Variants in CCDC85C observed in about 807,000 individuals in gnomAD.
The protein encoded by CCDC85C is coiled-coil domain-containing protein 85C.
CCDC85C carries 18 observed loss-of-function variants against 38.3 expected under a neutral mutation model. The ratio of observed to expected loss-of-function variants is 0.47; its 90% CI spans 0.33 to 0.70. The LOEUF is 0.70. Ranked by LOEUF, CCDC85C falls within the 30% of genes least tolerant of loss-of-function variation. The probability of loss-of-function intolerance (pLI) is 0.03; values close to 1 mark genes in which losing one functional copy is unlikely to be tolerated. For synonymous variants in CCDC85C, 264 were observed against 293.8 expected (o/e 0.90, Z 1.04); for missense variants, 566 against 621.2 (o/e 0.91, Z 0.94).
At chr14:99,515,369 T>A (rs116413123) in intron 5 of CCDC85C, 34 bp from the exon 6 acceptor site, 2 of 1,495,174 alleles carry the variant, frequency 1.3e-6, no homozygotes, top group African/African-American at 2.8e-5. Context: ...GTGGTGGGAC[T>A]CACCCGCGTC....
At chr14:99,542,400 C>T (rs1897731132) in intron 1 of CCDC85C, among the ~76,000 whole-genome samples, 1 of 152,194 alleles carries the variant, frequency 6.6e-6, no homozygotes, top group African/African-American at 2.4e-5. Flanking sequence ...GACGGAGATG[C>T]AGATTCCAGA....
rs1436424322 is a variant in CCDC85C at position 99,603,886 on chromosome 14, C to T, written c.74G>A (p.Arg25His). 44 of 1,497,322 alleles carry T rather than the reference C, an allele frequency of 2.9e-5. No individual in the cohort carries two copies. Among genetic ancestry groups the T allele is most frequent in the Non-Finnish European group, 3.8e-5 (43 of 1,128,830 alleles). 92.8% of individuals were successfully genotyped at this position (1,497,322 alleles called of 1,614,324 possible). A position where few individuals can be genotyped will look rare whatever the true frequency, so the allele number is the denominator to read the frequency against. ...LSQVPDEELLRWSKEELARRL... is the reference protein window; with the variant it reads ...LSQVPDEELLHWSKEELARRL... ...CCGCGCCAGCTCCTCCTTGCTCCAGCGCAGCAGCTCCTCGTCCGGCACCTG... is the reference window on the plus strand; with the variant it reads ...CCGCGCCAGCTCCTCCTTGCTCCAGTGCAGCAGCTCCTCGTCCGGCACCTG... Residue 25 changes from arginine (R) to histidine (H), a missense_variant, in exon 1 of 6, where the codon CGC becomes CAC. This residue lies in a region of CCDC85C where 269 missense variants were observed against 308.2 expected (regional missense o/e 0.87). Coordinates refer to ENST00000380243, the MANE Select transcript of CCDC85C (RefSeq NM_001144995.2). The surrounding 1 kb of genome is among the most constrained non-coding windows in gnomAD (Gnocchi z 7.5).
intron 4 of CCDC85C, 65 bp downstream of exon 4, chr14:99,517,023 G>T (rs2139896394): frequency 2.8e-6 from 4 of 1,435,428 alleles, no homozygotes; most frequent in Non-Finnish European, 3.8e-6. Context: ...AGGTGCAAAG[G>T]TCCCACAGTC....
In CCDC85C at chr14:99,516,200, G is replaced by A. The variant is rs572012873; in HGVS notation, c.1158C>T (p.Arg386=). The A allele has an allele frequency of 3.3e-5, 51 of 1,551,168 alleles. No homozygotes were observed. Among genetic ancestry groups the A allele is most frequent in the South Asian group, 1.9e-4 (16 of 84,054 alleles). The part of the protein sequence containing the change: ...DLSEKEKAIV[R]EMCNVVWRKL... ...CTGGAAGCCTCACGTTGCACATCTCGCGAACGATGGCCTTCTCCTTCTCAC... is the reference window on the plus strand; with the variant it reads ...CTGGAAGCCTCACGTTGCACATCTCACGAACGATGGCCTTCTCCTTCTCAC... Residue 386 remains arginine, a synonymous_variant, in exon 5 of 6, where the codon CGC becomes CGT. Transcript: ENST00000380243. This position sits in a 1 kb window ranked among gnomAD's most constrained non-coding sequence, Gnocchi z 5.5.
At chr14:99,600,822 G>C (rs1442964955) in intron 1 of CCDC85C, among the ~76,000 whole-genome samples, 1 of 152,196 alleles carries the variant, frequency 6.6e-6, no homozygotes, top group Non-Finnish European at 1.5e-5. Flanking sequence ...CCTCAGCTCA[G>C]GCCCAATCTT....
chr14:99,575,874 C>T (rs1211877735), intron 1 of CCDC85C, among the ~76,000 whole-genome samples: 1 of 152,200 alleles, frequency 6.6e-6, no homozygotes, highest in Non-Finnish European at 1.5e-5. Flanking sequence ...CCCCACAGAC[C>T]GCCTGTGGTT....
At chr14:99,589,409 G>A (rs955273651) in intron 1 of CCDC85C, among the ~76,000 whole-genome samples, 5 of 152,024 alleles carry the variant, frequency 3.3e-5, no homozygotes, top group African/African-American at 9.7e-5. Context: ...ATTCAGTTGT[G>A]GAGCTTCCCG....
intron 1 of CCDC85C, among the ~76,000 whole-genome samples, chr14:99,571,010 C>A (rs1439297076): frequency 1.3e-5 from 2 of 152,140 alleles, no homozygotes; most frequent in Non-Finnish European, 2.9e-5. Flanking sequence ...CCTGGAGCTT[C>A]CCCCACTCCC....
chr14:99,559,050 C>A (rs533771480), intron 1 of CCDC85C, among the ~76,000 whole-genome samples: 1 of 152,174 alleles, frequency 6.6e-6, no homozygotes, highest in South Asian at 2.1e-4. Context: ...CTTCGCCTTC[C>A]GCCATGATTG....
intron 1 of CCDC85C, among the ~76,000 whole-genome samples, chr14:99,550,105 G>A (rs567022137): frequency 1.1e-3 from 168 of 152,310 alleles, no homozygotes; most frequent in Non-Finnish European, 1.8e-3. Flanking sequence ...CTTGTGAACC[G>A]TAGTCAGCAG....
chr14:99,503,416 G>A lies in CCDC85C; in HGVS notation c.*11830C>T. 1.6e-6 allele frequency: 1 copy of A among 606,930 alleles called. No individual in the cohort carries two copies. The highest frequency in any genetic ancestry group is 2.9e-6 in the Non-Finnish European group (1 of 340,170). The allele number at this position is 606,930 out of a possible 1,614,324, so 37.6% of individuals were successfully genotyped here. On this transcript the variant is annotated 3_prime_UTR_variant, in exon 6 of 6. Transcript: ENST00000380243. ...GTCATTCTGTCTTATTTGGTAAATG[G>A]AAAGAGGAAGGGAGCAGAAATGATG...
rs548836018 is a variant in CCDC85C at position 99,529,773 on chromosome 14, G to A, written c.867+6242C>T. On this transcript the variant is annotated intron_variant, in intron 2 of 5. Coordinates refer to ENST00000380243, the MANE Select transcript of CCDC85C (RefSeq NM_001144995.2). The stretch of plus-strand genomic sequence containing the variant: ...AGCCAGAGCAGCTCCTCAACTTTCT[G>A]GGCCTCTGTTTGTTTGCACATAAAC... 1.4e-4 allele frequency among the ~76,000 whole-genome samples: 21 copies of A among 152,186 alleles called. 1 individual carries two copies. The highest frequency in any genetic ancestry group is 4.1e-4 in the South Asian group (2 of 4,836).
In CCDC85C at chr14:99,588,580, G is replaced by A. The variant is rs1310079514; in HGVS notation, c.793+14587C>T. Among the ~76,000 whole-genome samples the A allele has an allele frequency of 6.6e-6, 1 of 152,060 alleles. No individual in the cohort carries two copies. The highest frequency in any genetic ancestry group is 3.2e-3 in the Middle Eastern group (1 of 316). ...TCCTGCTGGCGATGGCGCTGGCCCGGGAGGCCTGAGGAAGCGAGCTGGGGA... is the reference window on the plus strand; with the variant it reads ...TCCTGCTGGCGATGGCGCTGGCCCGAGAGGCCTGAGGAAGCGAGCTGGGGA... On this transcript the variant is annotated intron_variant, in intron 1 of 5. Transcript: ENST00000380243. The surrounding 1 kb of genome is among the most constrained non-coding windows in gnomAD (Gnocchi z 5.0).
intron 1 of CCDC85C, chr14:99,583,137 GC>G (rs1246158500): frequency 3.3e-5 from 5 of 152,084 alleles, no homozygotes; most frequent in Non-Finnish European, 7.3e-5. Flanking sequence ...ATTTTTAAAT[GC>G]CTTTTAAAAA....
chr14:99,597,780 C>T (rs2055158328), intron 1 of CCDC85C, among the ~76,000 whole-genome samples: 1 of 152,088 alleles, frequency 6.6e-6, no homozygotes, highest in East Asian at 1.9e-4. Context: ...CTCCATTCAA[C>T]TAGATGAGGA....
At position 99,513,449 on chromosome 14, in the gene CCDC85C, C is replaced by T. The variant is rs1897170874; in HGVS notation, c.*1797G>A. ...CACCTGACCGGGCGACACTCCTTCCCAAAGAGCCTCCTGGCAACACCCACG... is the reference window on the plus strand; with the variant it reads ...CACCTGACCGGGCGACACTCCTTCCTAAAGAGCCTCCTGGCAACACCCACG... On this transcript the variant is annotated 3_prime_UTR_variant, in exon 6 of 6. Transcript: ENST00000380243. 1 of 152,300 alleles carries T rather than the reference C, an allele frequency of 6.6e-6. No homozygotes were observed. The highest frequency in any genetic ancestry group is 2.1e-4 in the South Asian group (1 of 4,836). 9.4% of individuals were successfully genotyped at this position (152,300 alleles called of 1,614,324 possible).
intron 1 of CCDC85C, among the ~76,000 whole-genome samples, chr14:99,599,048 CT>C (rs2055172966): frequency 6.6e-6 from 1 of 152,086 alleles, no homozygotes; most frequent in South Asian, 2.1e-4. Context: ...CTTCACTGAC[CT>C]TTGTTCCTGA....
intron 1 of CCDC85C, among the ~76,000 whole-genome samples, chr14:99,595,707 G>A (rs1183571938): frequency 2.0e-5 from 3 of 152,324 alleles, no homozygotes; most frequent in East Asian, 1.9e-4. Flanking sequence ...CAAGGGAACC[G>A]GGACATACCG....
At chr14:99,587,719 A>G (rs759875329) in intron 1 of CCDC85C, among the ~76,000 whole-genome samples, 58 of 152,104 alleles carry the variant, frequency 3.8e-4, no homozygotes, top group Non-Finnish European at 6.8e-4. Flanking sequence ...CCAAGCAGGG[A>G]CCCTGGAGCA....
Sources: gnomAD v4.1 joint callset for allele counts (sites outside exome capture counted in the v4.1 genomes callset) on GRCh38, gnomAD v4.1.1 for gene constraint, gnomAD v4.1.1 regional missense constraint, Gnocchi (gnomAD v3.1) non-coding constraint, MANE v1.5 for transcripts, NCBI Gene and HGNC (gene_info 2026-07-23, HGNC 2026-07-21) for gene names.